The following FARS2 variants were observed in gnomAD, a reference collection of about 807,000 sequenced individuals.
FARS2 encodes the protein phenylalanyl-tRNA synthetase 2, mitochondrial, also known as phenylalanine--tRNA ligase, mitochondrial.
A neutral mutation model predicts 46.4 loss-of-function variants in FARS2; 40 were observed. That is an observed-to-expected ratio of 0.86 (90% CI 0.67 to 1.12). The LOEUF (loss-of-function observed/expected upper bound fraction) is 1.12, where lower values mean the gene tolerates loss of function less well. FARS2 is among the 50% of genes most tolerant of loss of function. FARS2 has a pLI of 0.00. For missense variants in FARS2, 513 were observed against 567.9 expected (o/e 0.90, Z 0.98); for synonymous variants, 234 against 214.9 (o/e 1.09, Z -0.78).
intron 1 of FARS2, among the ~76,000 whole-genome samples, chr6:5,262,642 C>T (rs1449724871): frequency 1.3e-5 from 2 of 152,154 alleles, no homozygotes; most frequent in Admixed American, 6.5e-5. Flanking sequence ...CTTTAGTGTA[C>T]TTGCAACCTG....
At chr6:5,752,670 G>A (rs1244832856) in intron 6 of FARS2, among the ~76,000 whole-genome samples, 2 of 152,162 alleles carry the variant, frequency 1.3e-5, no homozygotes, top group African/African-American at 4.8e-5. Flanking sequence ...CCTCACCAGA[G>A]ATTGACACAG....
chr6:5,394,536 T>C (rs1053647298), intron 2 of FARS2, among the ~76,000 whole-genome samples: 1 of 152,198 alleles, frequency 6.6e-6, no homozygotes, highest in Admixed American at 6.5e-5. Context: ...AAGTGACACA[T>C]GCTTGTGTGT....
intron 4 of FARS2, among the ~76,000 whole-genome samples, chr6:5,497,081 T>C (rs1225316468): frequency 1.3e-5 from 2 of 152,204 alleles, no homozygotes; most frequent in Non-Finnish European, 2.9e-5. Context: ...AAAGTAAGGC[T>C]AACTCCCTTA....
chr6:5,422,051 C>T (rs935099074), intron 3 of FARS2, among the ~76,000 whole-genome samples: 1 of 152,180 alleles, frequency 6.6e-6, no homozygotes, highest in African/African-American at 2.4e-5. Flanking sequence ...GAAAAATAGG[C>T]TTAATGGACT....
chr6:5,442,230 G>T (rs1763881989), intron 4 of FARS2, among the ~76,000 whole-genome samples: 1 of 151,788 alleles, frequency 6.6e-6, no homozygotes, highest in Non-Finnish European at 1.5e-5. Context: ...TTTTTCTTTT[G>T]TTCATTTTTG....
chr6:5,701,296 G>A (rs1183147494), intron 6 of FARS2, among the ~76,000 whole-genome samples: 1 of 152,346 alleles, frequency 6.6e-6, no homozygotes, highest in Admixed American at 6.5e-5. Flanking sequence ...ATGAAAAGCC[G>A]GTGTTAGTGG....
At chr6:5,331,909 T>G (rs1396040587) in intron 1 of FARS2, among the ~76,000 whole-genome samples, 1 of 152,074 alleles carries the variant, frequency 6.6e-6, no homozygotes, top group Non-Finnish European at 1.5e-5. Context: ...AGAACTTGAG[T>G]GAGGATATGT....
intron 4 of FARS2, among the ~76,000 whole-genome samples, chr6:5,491,283 T>C (rs996035446): frequency 2.0e-5 from 3 of 152,230 alleles, no homozygotes; most frequent in Non-Finnish European, 4.4e-5. Context: ...GTCATTTTTA[T>C]GTTTTCATTT....
chr6:5,419,330 AGATT>A (rs1449194109), intron 3 of FARS2, among the ~76,000 whole-genome samples: 1 of 152,184 alleles, frequency 6.6e-6, no homozygotes, highest in East Asian at 1.9e-4. Context: ...TTAAAGTCTC[AGATT>A]GTTTCATAAA....
intron 1 of FARS2, among the ~76,000 whole-genome samples, chr6:5,352,869 G>A (rs905438058): frequency 6.6e-6 from 1 of 152,038 alleles, no homozygotes; most frequent in Admixed American, 6.6e-5. Context: ...TCAAATCAGG[G>A]TATTTAGCAT....
At chr6:5,756,130 G>T (rs2150970903) in intron 6 of FARS2, among the ~76,000 whole-genome samples, 1 of 152,258 alleles carries the variant, frequency 6.6e-6, no homozygotes, top group South Asian at 2.1e-4. Flanking sequence ...TCATTCTCAG[G>T]TGAAGGTTAA....
intron 6 of FARS2, among the ~76,000 whole-genome samples, chr6:5,721,710 G>A (rs1224247100): frequency 1.3e-5 from 2 of 152,198 alleles, no homozygotes; most frequent in Admixed American, 6.5e-5. Context: ...ATTTTCCAAC[G>A]TTGACAATTT....
At chr6:5,276,896 A>C (rs1229576425) in intron 1 of FARS2, among the ~76,000 whole-genome samples, 1 of 152,246 alleles carries the variant, frequency 6.6e-6, no homozygotes, top group Non-Finnish European at 1.5e-5. Context: ...TAAATCAGGC[A>C]GCACAGGAGG....
rs1764797445 is a variant in FARS2, at chr6:5,455,518, A to G, written c.904+24346A>G. The stretch of plus-strand genomic sequence containing the variant: ...AGAGAGAGAGTGTTGCTTTCATTTC[A>G]TTGACCTGAAATCAGCTTGTTTCCC... On this transcript the variant is annotated intron_variant, in intron 4 of 6. Coordinates refer to ENST00000274680, the MANE Select transcript of FARS2 (RefSeq NM_006567.5). Among the ~76,000 whole-genome samples the G allele has an allele frequency of 2.6e-5, 4 of 152,298 alleles. No individual in the cohort carries two copies. In the South Asian group the frequency reaches 8.3e-4, roughly 32 times the overall value.
intron 1 of FARS2, among the ~76,000 whole-genome samples, chr6:5,318,387 C>CAAAAAAAAAAAAAAAAAAAAAAAAAAAAA (rs753113504): frequency 1.3e-5 from 1 of 77,196 alleles, no homozygotes; most frequent in African/African-American, 4.7e-5. Flanking sequence ...AAAAAAAAAC[C>CAAAAAAAAAAAAAAAAAAAAAAAAAAAAA]AAAAAAAAAA....
At chr6:5,599,196 C>G (rs1056239065) in intron 5 of FARS2, among the ~76,000 whole-genome samples, 2 of 152,144 alleles carry the variant, frequency 1.3e-5, no homozygotes, top group Non-Finnish European at 2.9e-5. Flanking sequence ...GTGTTTTCAC[C>G]TAGCATCTCC....
In FARS2 at chr6:5,756,497, GGAGAGA is replaced by G. The variant is rs10536563; in HGVS notation, c.1218-14784_1218-14779del. Among the ~76,000 whole-genome samples the G allele has an allele frequency of 8.9e-3, 1,344 of 151,530 alleles. 23 individuals are homozygous for G. Among genetic ancestry groups the G allele is most frequent in the African/African-American group, 0.031 (1,263 of 41,310 alleles). On this transcript the variant is annotated intron_variant, in intron 6 of 6. Transcript: ENST00000274680. ...AGACATGTCTTACCATGGCAGAGCA[GGAGAGA>G]GAGAGAGAGCGAGGGGGAAGCACTA...
intron 6 of FARS2, among the ~76,000 whole-genome samples, chr6:5,697,193 G>C (rs1384819742): frequency 2.0e-5 from 3 of 151,912 alleles, no homozygotes; most frequent in African/African-American, 7.3e-5. Flanking sequence ...TTTAAATACA[G>C]ATAACAATTG....
intron 1 of FARS2, among the ~76,000 whole-genome samples, chr6:5,281,167 G>T (rs1394837881): frequency 6.6e-6 from 1 of 152,130 alleles, no homozygotes; most frequent in African/African-American, 2.4e-5. Context: ...GAGTCTAAAA[G>T]CTTCTTAAAC....
Sources: allele counts gnomAD v4.1 joint callset (sites outside exome capture counted in the v4.1 genomes callset), GRCh38; gene constraint gnomAD v4.1.1; transcripts MANE v1.5; gene names NCBI Gene and HGNC (gene_info 2026-07-23, HGNC 2026-07-21).